The following U2AF2 variants were observed in gnomAD, a reference collection of about 807,000 sequenced individuals.
The protein encoded by U2AF2 is U2 small nuclear RNA auxiliary factor 2.
A neutral mutation model predicts 52.6 loss-of-function variants in U2AF2; 6 were observed. The ratio of observed to expected loss-of-function variants is 0.11; its 90% CI spans 0.06 to 0.23. The LOEUF (loss-of-function observed/expected upper bound fraction) is 0.23. U2AF2 is among the 10% of genes least tolerant of loss of function. The pLI, the probability that U2AF2 is intolerant of heterozygous loss-of-function variation, is 1.00. For synonymous variants in U2AF2, 284 were observed against 258.2 expected, an observed-to-expected ratio of 1.10 and a Z score of -0.96; for missense variants, 222 against 677.1, an observed-to-expected ratio of 0.33 and a Z score of 7.46.
chr19:55,657,656 C>T (rs1983881316), intron 1 of U2AF2, among the ~76,000 whole-genome samples: 2 of 152,206 alleles, frequency 1.3e-5, no homozygotes, highest in Admixed American at 1.3e-4. Context: ...GATTGTTCCT[C>T]CCAATTTCAG....
At chr19:55,664,035 A>G (rs1984386453) in intron 7 of U2AF2, 4 of 354,692 alleles carry the variant, frequency 1.1e-5, no homozygotes, top group Non-Finnish European at 2.1e-5. Context: ...TGTGGCCTGG[A>G]CCTCGTGCCT....
At chr19:55,660,855 G>C (rs941472682) in intron 4 of U2AF2, among the ~76,000 whole-genome samples, 183 bp from the exon 5 acceptor site, 1 of 152,150 alleles carries the variant, frequency 6.6e-6, no homozygotes, top group Non-Finnish European at 1.5e-5. Context: ...AGGAAGTGAG[G>C]CTTCTGAGGA....
intron 11 of U2AF2, among the ~76,000 whole-genome samples, chr19:55,673,700 C>T (rs1235613499): frequency 1.3e-5 from 2 of 152,200 alleles, no homozygotes; most frequent in Non-Finnish European, 2.9e-5. Context: ...TCTGGCATGT[C>T]TCTATTCTTT....
chr19:55,656,448 T>A lies in U2AF2; in HGVS notation c.49+1295T>A, dbSNP rs569139215. ...TTGGAGTTGAGCACATCAGGAAGTTTAGATACCTGCTTTGTCGTTTAGTAA... is the reference window on the plus strand; with the variant it reads ...TTGGAGTTGAGCACATCAGGAAGTTAAGATACCTGCTTTGTCGTTTAGTAA... On this transcript the variant is annotated intron_variant, in intron 1 of 11. Transcript: ENST00000308924. 3.9e-5 allele frequency among the ~76,000 whole-genome samples: 6 copies of A among 152,372 alleles called. No individual in the cohort carries two copies. In the South Asian group the frequency reaches 1.2e-3, roughly 32 times the overall value.
At chr19:55,655,210 G>GCC in intron 1 of U2AF2, 57 bp downstream of exon 1, 1 of 1,506,772 alleles carries the variant, frequency 6.6e-7, no homozygotes, top group Non-Finnish European at 8.9e-7. Context: ...GTCGCTCTTT[G>GCC]CCCCCCCGCC....
At chr19:55,661,609 CTCCCCCACG>C (rs1162072119) in intron 5 of U2AF2, among the ~76,000 whole-genome samples, 1 of 151,636 alleles carries the variant, frequency 6.6e-6, no homozygotes, top group Admixed American at 6.6e-5. Flanking sequence ...CCCCTATCCT[CTCCCCCACG>C]TCCCTCCCAT....
chr19:55,660,158 T>TTTCCCCCCCCCCCCCCCCCAAACCC lies in U2AF2; in HGVS notation c.186-14_186-13insCCCCCCCCCCCCCCAAACCCTTCCC. On this transcript the variant is annotated intron_variant, in intron 2 of 11. Transcript: ENST00000308924. Reference sequence around the variant, plus strand: ...GTCCCCAGTCACCCCTCCCCATACCTTTCCCTCCCACCCCCCAGCAAACCT... The same window carrying TTTCCCCCCCCCCCCCCCCCAAACCC: ...GTCCCCAGTCACCCCTCCCCATACCTTTCCCCCCCCCCCCCCCCCAAACCCTTCCCTCCCACCCCCCAGCAAACCT... 1 of 1,176,238 alleles carries TTTCCCCCCCCCCCCCCCCCAAACCC rather than the reference T, an allele frequency of 8.5e-7. No homozygotes were observed. The highest frequency in any genetic ancestry group is 2.1e-5 in the Admixed American group (1 of 47,700). The allele number at this position is 1,176,238 out of a possible 1,614,324, so 72.9% of individuals were successfully genotyped here.
chr19:55,658,489 C>T (rs989913368), intron 1 of U2AF2, among the ~76,000 whole-genome samples: 9 of 152,066 alleles, frequency 5.9e-5, no homozygotes. Flanking sequence ...CTACTCACGC[C>T]TTTACAGTCT....
At chr19:55,660,013 A>G (rs1288265359) in intron 2 of U2AF2, among the ~76,000 whole-genome samples, 164 bp from the exon 3 acceptor site, 1 of 148,318 alleles carries the variant, frequency 6.7e-6, no homozygotes, top group Non-Finnish European at 1.5e-5. Context: ...TGGGGGTGGG[A>G]GTGTTTGGGG....
intron 11 of U2AF2, among the ~76,000 whole-genome samples, chr19:55,672,729 A>ATTTT (rs74179629): frequency 1.4e-5 from 2 of 141,276 alleles, no homozygotes; most frequent in African/African-American, 5.3e-5. Flanking sequence ...TATCTCAAGA[A>ATTTT]TTTTTTTTTT....
At chr19:55,660,276 C>T (rs1984089881) in intron 3 of U2AF2, 55 bp downstream of exon 3, 4 of 1,575,002 alleles carry the variant, frequency 2.5e-6, no homozygotes, top group African/African-American at 2.7e-5. Context: ...TCACCTTCCT[C>T]ACGCCCGTGC....
rs753103422 is a variant in U2AF2, at chr19:55,662,519, C to T, written c.504C>T (p.Phe168=). The T allele has an allele frequency of 2.2e-6, 3 of 1,379,854 alleles. No individual in the cohort carries two copies. The highest frequency in any genetic ancestry group is 2.9e-6 in the Non-Finnish European group (3 of 1,036,572). 85.5% of individuals were successfully genotyped at this position (1,379,854 alleles called of 1,614,324 possible). The change falls in exon 6 of 12, where the codon TTC becomes TTT. Residue 168 remains phenylalanine, a synonymous_variant. Coordinates refer to ENST00000308924, the MANE Select transcript of U2AF2 (RefSeq NM_007279.3). The part of the protein sequence containing the change: ...FGITEEAMMD[F]FNAQMRLGGL... ...CTCTGCAGGAGGCCATGATGGATTT[C>T]TTCAACGCCCAGATGCGCCTGGGGG...
At chr19:55,673,311 C>A (rs1249103609) in intron 11 of U2AF2, among the ~76,000 whole-genome samples, 1 of 130,986 alleles carries the variant, frequency 7.6e-6, no homozygotes, top group Non-Finnish European at 1.7e-5. Flanking sequence ...ATCCTTTGTA[C>A]CTCACTCCCT....
At chr19:55,657,119 G>T (rs1001123639) in intron 1 of U2AF2, among the ~76,000 whole-genome samples, 1 of 152,244 alleles carries the variant, frequency 6.6e-6, no homozygotes, top group Admixed American at 6.5e-5. Context: ...TGATTGGGCG[G>T]TTCTTTGAGG....
In U2AF2 at chr19:55,668,595, C is replaced by T. The variant is rs766099291; in HGVS notation, c.822+9C>T. 9 of 1,604,996 alleles carry T rather than the reference C, an allele frequency of 5.6e-6. No individual in the cohort carries two copies. The African/African-American group carries it at 8.0e-5, about 14-fold the overall frequency. ...ACCTGAACGATGACCAGGTAACTTC[C>T]CTGCCTCCCTCCAGACCCGTCCCCC... On this transcript the variant is annotated intron_variant, in intron 8 of 11. Coordinates refer to ENST00000308924, the MANE Select transcript of U2AF2 (RefSeq NM_007279.3). This position sits in a 1 kb window ranked among gnomAD's most constrained non-coding sequence, Gnocchi z 5.5.
chr19:55,673,889 T>G lies in U2AF2; in HGVS notation c.1294-45T>G, dbSNP rs756186604. 3 of 1,576,746 alleles carry G rather than the reference T, an allele frequency of 1.9e-6. No homozygotes were observed. The East Asian group carries it at 6.8e-5, about 36-fold the overall frequency. On this transcript the variant is annotated intron_variant, in intron 11 of 11. Coordinates refer to ENST00000308924, the MANE Select transcript of U2AF2 (RefSeq NM_007279.3). ...GGTTGGGTGGACGCTGACTGGCTGT[T>G]GGGCGTGAGCCTTGTTCACAAACCT... is the stretch of plus-strand genomic sequence containing the variant.
At chr19:55,657,968 G>C (rs542228443) in intron 1 of U2AF2, among the ~76,000 whole-genome samples, 12 of 152,202 alleles carry the variant, frequency 7.9e-5, no homozygotes, top group Non-Finnish European at 1.6e-4. Flanking sequence ...GTTGTAGGAA[G>C]CATCTCAATA....
chr19:55,659,099 C>G, intron 1 of U2AF2, 111 bp from the exon 2 acceptor site: 1 of 1,362,966 alleles, frequency 7.3e-7, no homozygotes, highest in Non-Finnish European at 9.6e-7. Flanking sequence ...AATCCCTTCC[C>G]TTTGGGGGTG....
chr19:55,655,626 G>A (rs924720429), intron 1 of U2AF2, among the ~76,000 whole-genome samples: 2 of 152,232 alleles, frequency 1.3e-5, no homozygotes, highest in African/African-American at 2.4e-5. Context: ...AACTTGGTGG[G>A]GGGGCCCCTT....
Sources: allele counts gnomAD v4.1 joint callset (sites outside exome capture counted in the v4.1 genomes callset), GRCh38; gene constraint gnomAD v4.1.1; non-coding constraint Gnocchi (gnomAD v3.1); transcripts MANE v1.5; gene names NCBI Gene and HGNC (gene_info 2026-07-23, HGNC 2026-07-21).